OPCML: variants seen among roughly 807,000 people sequenced by gnomAD.
OPCML encodes opioid binding protein/cell adhesion molecule like, also known as opioid-binding protein/cell adhesion molecule.
In OPCML, 13 loss-of-function variants were observed where a neutral mutation model predicts 37.8. The observed-to-expected ratio is 0.34, with a 90% CI of 0.22 to 0.55. The LOEUF (loss-of-function observed/expected upper bound fraction) is 0.55, where lower values mean the gene tolerates loss of function less well. Among genes scored for constraint, OPCML ranks in the 20% least tolerant of loss-of-function variants. The pLI, the probability that OPCML is intolerant of heterozygous loss-of-function variation, is 0.91. For missense variants in OPCML, 341 were observed against 435.6 expected (o/e 0.78, Z 1.93); for synonymous variants, 176 against 168.8 (o/e 1.04, Z -0.33).
At chr11:132,697,572 G>A (rs1943643684) in intron 2 of OPCML, among the ~76,000 whole-genome samples, 2 of 152,068 alleles carry the variant, frequency 1.3e-5, no homozygotes, top group Non-Finnish European at 2.9e-5. Flanking sequence ...TTGGAATAAT[G>A]CCCTCCAGGT....
At chr11:132,927,794 C>A (rs1945047726) in intron 2 of OPCML, among the ~76,000 whole-genome samples, 1 of 151,730 alleles carries the variant, frequency 6.6e-6, no homozygotes, top group Non-Finnish European at 1.5e-5. Context: ...AATGTATAAA[C>A]CAATAATTTG....
At chr11:132,700,644 G>C (rs1943769571) in intron 2 of OPCML, among the ~76,000 whole-genome samples, 1 of 152,142 alleles carries the variant, frequency 6.6e-6, no homozygotes, top group African/African-American at 2.4e-5. Flanking sequence ...GGTCAGAAGA[G>C]GAACTTGATA....
intron 3 of OPCML, among the ~76,000 whole-genome samples, chr11:132,612,442 T>A (rs1302019346): frequency 6.6e-6 from 1 of 152,180 alleles, no homozygotes; most frequent in Admixed American, 6.5e-5. Context: ...TCTCAAGCTT[T>A]ACATGAATAG....
chr11:132,574,115 T>A (rs2096444413), intron 3 of OPCML, among the ~76,000 whole-genome samples: 1 of 151,252 alleles, frequency 6.6e-6, no homozygotes, highest in Non-Finnish European at 1.5e-5. Flanking sequence ...GTCTTGTCAT[T>A]TTTTCCCTTA....
At chr11:133,213,628 C>T (rs1230639626) in intron 1 of OPCML, among the ~76,000 whole-genome samples, 3 of 152,174 alleles carry the variant, frequency 2.0e-5, no homozygotes, top group Admixed American at 6.5e-5. Context: ...ACTTAAAAAA[C>T]TCCTTACTGA....
At chr11:132,632,904 G>A (rs996938161) in intron 3 of OPCML, among the ~76,000 whole-genome samples, 4 of 148,738 alleles carry the variant, frequency 2.7e-5, no homozygotes, top group East Asian at 2.0e-4. Flanking sequence ...AGCCTTTCTC[G>A]TACATCTACC....
chr11:132,873,095 C>A (rs1435404385), intron 2 of OPCML, among the ~76,000 whole-genome samples: 1 of 152,122 alleles, frequency 6.6e-6, no homozygotes, highest in Non-Finnish European at 1.5e-5. Context: ...GCTGAGGCTA[C>A]CTTTCAGGCT....
Position 133,026,624 on chromosome 11 carries a change from C to T in OPCML, c.62-83614G>A. On this transcript the variant is annotated intron_variant, in intron 1 of 7. Coordinates refer to ENST00000524381, the MANE Select transcript of OPCML (RefSeq NM_001012393.5). ...GTCCCACATTTTCATAGTGCTTTCTCTCATGACTTGCCTCTTGTTGTTTTG... is the reference window on the plus strand; with the variant it reads ...GTCCCACATTTTCATAGTGCTTTCTTTCATGACTTGCCTCTTGTTGTTTTG... 5 of 974,710 alleles carry T rather than the reference C, an allele frequency of 5.1e-6. No individual in the cohort carries two copies. The South Asian group carries it at 2.4e-4, about 46-fold the overall frequency. 60.4% of individuals were successfully genotyped at this position (974,710 alleles called of 1,614,324 possible).
At chr11:132,827,232 T>C (rs1940403085) in intron 2 of OPCML, among the ~76,000 whole-genome samples, 1 of 152,078 alleles carries the variant, frequency 6.6e-6, no homozygotes, top group South Asian at 2.1e-4. Flanking sequence ...TAAAAAACAA[T>C]TGACCCAATT....
chr11:132,511,376 C>T (rs774725483), intron 4 of OPCML, among the ~76,000 whole-genome samples: 38 of 152,054 alleles, frequency 2.5e-4, no homozygotes, highest in Non-Finnish European at 5.3e-4. Flanking sequence ...TAAATGCATT[C>T]CCAATCAAAA....
rs1435077239 is a variant in OPCML, at chr11:132,943,974, C to T, written c.62-964G>A. 2.6e-5 allele frequency among the ~76,000 whole-genome samples: 4 copies of T among 151,842 alleles called. No homozygotes were observed. The highest frequency in any genetic ancestry group is 5.9e-5 in the Non-Finnish European group (4 of 67,890). Reference sequence around the variant, plus strand: ...CAGCTCCATCCCTGACCGCCACTTTCTCCCGGTGCCGCCTCGGAGCGAGCG... The same window carrying T: ...CAGCTCCATCCCTGACCGCCACTTTTTCCCGGTGCCGCCTCGGAGCGAGCG... On this transcript the variant is annotated intron_variant, in intron 1 of 7. Transcript: ENST00000524381. This position sits in a 1 kb window ranked among gnomAD's most constrained non-coding sequence, Gnocchi z 4.3.
chr11:133,345,361 C>T (rs1943973890), intron 1 of OPCML, among the ~76,000 whole-genome samples: 1 of 152,190 alleles, frequency 6.6e-6, no homozygotes, highest in African/African-American at 2.4e-5. Flanking sequence ...AATGAATTTA[C>T]TTACTGCTTT....
At chr11:133,169,465 C>A (rs964441770) in intron 1 of OPCML, among the ~76,000 whole-genome samples, 1 of 152,182 alleles carries the variant, frequency 6.6e-6, no homozygotes, top group African/African-American at 2.4e-5. Flanking sequence ...AATCTAACTT[C>A]AGAGAGCCAA....
At chr11:133,294,815 C>CTTTTTT (rs59382534) in intron 1 of OPCML, among the ~76,000 whole-genome samples, 29 of 56,552 alleles carry the variant, frequency 5.1e-4, no homozygotes, top group Non-Finnish European at 6.4e-4. Context: ...TTCTTTCTTT[C>CTTTTTT]TTTTTTTTTT....
intron 1 of OPCML, among the ~76,000 whole-genome samples, chr11:133,111,875 G>A (rs891246454): frequency 6.6e-6 from 1 of 152,146 alleles, no homozygotes; most frequent in Non-Finnish European, 1.5e-5. Flanking sequence ...TAACCTGCAG[G>A]ATGGGTGGAG....
In OPCML at chr11:132,620,961, C is replaced by A. The variant is rs530000591; in HGVS notation, c.379+36126G>T. Among the ~76,000 whole-genome samples the A allele has an allele frequency of 2.0e-5, 3 of 152,266 alleles. No homozygotes were observed. In the South Asian group the frequency reaches 6.2e-4, roughly 32 times the overall value. On this transcript the variant is annotated intron_variant, in intron 3 of 7. Coordinates refer to ENST00000524381, the MANE Select transcript of OPCML (RefSeq NM_001012393.5). ...CAAAAGGTGGAACTGCAAGGTCATG[C>A]CAGCTACAATGGCAGAGGTATCTGA...
At chr11:133,268,215 G>A (rs1382072998) in intron 1 of OPCML, among the ~76,000 whole-genome samples, 2 of 152,136 alleles carry the variant, frequency 1.3e-5, no homozygotes, top group East Asian at 3.9e-4. Flanking sequence ...TTTCTGTCTT[G>A]ACATTAATTT....
intron 2 of OPCML, among the ~76,000 whole-genome samples, chr11:132,746,153 T>C (rs1945628052): frequency 6.6e-6 from 1 of 151,832 alleles, no homozygotes; most frequent in African/African-American, 2.4e-5. Context: ...CCAAATTTCC[T>C]GGCTCCAGGA....
chr11:133,353,206 G>A (rs1054022298), intron 1 of OPCML, among the ~76,000 whole-genome samples: 1 of 152,096 alleles, frequency 6.6e-6, no homozygotes, highest in Non-Finnish European at 1.5e-5. Flanking sequence ...TCACCCTATT[G>A]CCCAGCTTGG....
Sources: gnomAD v4.1 joint callset for allele counts (sites outside exome capture counted in the v4.1 genomes callset) on GRCh38, gnomAD v4.1.1 for gene constraint, Gnocchi (gnomAD v3.1) non-coding constraint, MANE v1.5 for transcripts, NCBI Gene and HGNC (gene_info 2026-07-23, HGNC 2026-07-21) for gene names.